The following CLNK variants were observed in gnomAD, a reference collection of about 807,000 sequenced individuals.
CLNK encodes the protein cytokine-dependent hematopoietic cell linker.
Under a neutral mutation model 68.6 loss-of-function variants are expected in CLNK, and 74 were observed. The ratio of observed to expected loss-of-function variants is 1.08; its 90% confidence interval spans 0.89 to 1.31. The LOEUF (loss-of-function observed/expected upper bound fraction) is 1.31, where lower values mean the gene tolerates loss of function less well. Among genes scored for constraint, CLNK ranks in the 50% most tolerant of loss-of-function variants. The probability of loss-of-function intolerance (pLI) is 0.00; values close to 1 mark genes in which losing one functional copy is unlikely to be tolerated. For synonymous variants in CLNK, 198 were observed against 172.2 expected, an observed-to-expected ratio of 1.15 and a Z score of -1.17; for missense variants, 553 against 515.3, an observed-to-expected ratio of 1.07 and a Z score of -0.71.
In CLNK at chr4:10,678,035, C is replaced by T. The variant is rs560845071; in HGVS notation, c.-43+6633G>A. On this transcript the variant is annotated intron_variant, in intron 1 of 18. Transcript: ENST00000226951. ...AGTGAACAAATGCACAGTGTGGATC[C>T]AGATGAGATCATCATTTCATCTGTA... Among the ~76,000 whole-genome samples, 364 of 151,986 alleles carry T rather than the reference C, an allele frequency of 2.4e-3. 1 individual carries two copies. Among genetic ancestry groups the T allele is most frequent in the Non-Finnish European group, 3.9e-3 (267 of 67,930 alleles).
intron 2 of CLNK, among the ~76,000 whole-genome samples, chr4:10,648,917 C>A (rs895067259): frequency 6.6e-6 from 1 of 152,140 alleles, no homozygotes; most frequent in Non-Finnish European, 1.5e-5. Flanking sequence ...CCAGGGAGAT[C>A]TGGTTTTTGC....
chr4:10,607,726 T>C (rs545576201), intron 2 of CLNK, among the ~76,000 whole-genome samples: 3 of 152,278 alleles, frequency 2.0e-5, no homozygotes, highest in East Asian at 3.9e-4. Flanking sequence ...ATTTATGGTG[T>C]TTTCAGCCAC....
chr4:10,714,541 T>C, the CLNK span, among the ~76,000 whole-genome samples: 1 of 152,198 alleles, frequency 6.6e-6, no homozygotes, highest in Non-Finnish European at 1.5e-5. Flanking sequence ...GCTAAATATT[T>C]TCTTTTAGAT....
At chr4:10,690,506 C>T in the CLNK span, among the ~76,000 whole-genome samples, 1 of 152,178 alleles carries the variant, frequency 6.6e-6, no homozygotes, top group African/African-American at 2.4e-5. Context: ...TCTCCCAATT[C>T]TTCTTTAAAA....
intron 11 of CLNK, among the ~76,000 whole-genome samples, chr4:10,537,730 T>TCTTTCTTTCTTC (rs1385874585): frequency 1.5e-5 from 2 of 132,926 alleles, no homozygotes; most frequent in African/African-American, 2.8e-5. Context: ...TTTCTTTCTT[T>TCTTTCTTTCTTC]CTTTCTTCCT....
the CLNK span, among the ~76,000 whole-genome samples, chr4:10,711,950 A>G: frequency 1.3e-5 from 2 of 152,154 alleles, no homozygotes; most frequent in African/African-American, 2.4e-5. Flanking sequence ...GAACCTGAAC[A>G]TGGAAATATT....
At chr4:10,660,593 C>T (rs1724158360) in intron 2 of CLNK, among the ~76,000 whole-genome samples, 1 of 152,104 alleles carries the variant, frequency 6.6e-6, no homozygotes. Flanking sequence ...TTTCAAAGAC[C>T]ATAATGATGA....
At chr4:10,524,237 A>G (rs1269278064) in intron 14 of CLNK, among the ~76,000 whole-genome samples, 2 of 152,096 alleles carry the variant, frequency 1.3e-5, no homozygotes, top group African/African-American at 4.8e-5. Context: ...AGAAATGAGA[A>G]TAAAATTACT....
chr4:10,511,025 T>G (rs1042765290), intron 16 of CLNK, among the ~76,000 whole-genome samples: 1 of 152,190 alleles, frequency 6.6e-6, no homozygotes, highest in Non-Finnish European at 1.5e-5. Context: ...GGTGGCAACA[T>G]GCCTGTAATC....
intron 17 of CLNK, among the ~76,000 whole-genome samples, chr4:10,503,279 T>A (rs1717130989): frequency 6.6e-6 from 1 of 151,864 alleles, no homozygotes; most frequent in South Asian, 2.1e-4. Flanking sequence ...CCGGCTGACA[T>A]GGGGAAACCT....
intron 11 of CLNK, among the ~76,000 whole-genome samples, chr4:10,533,072 AC>A (rs1455314034): frequency 2.0e-4 from 30 of 152,156 alleles, no homozygotes; most frequent in Non-Finnish European, 4.4e-5. Flanking sequence ...AGCCTGGCCA[AC>A]ATGGTGAAAC....
intron 2 of CLNK, among the ~76,000 whole-genome samples, chr4:10,646,245 C>G (rs1290409952): frequency 6.6e-6 from 1 of 152,150 alleles, no homozygotes; most frequent in East Asian, 1.9e-4. Context: ...TACCAATTAA[C>G]AAGTTTGAAA....
chr4:10,548,021 C>A (rs1577121453), intron 8 of CLNK, among the ~76,000 whole-genome samples: 1 of 152,086 alleles, frequency 6.6e-6, no homozygotes, highest in Non-Finnish European at 1.5e-5. Flanking sequence ...GATTCGTGAA[C>A]CATAAGGTAT....
intron 8 of CLNK, among the ~76,000 whole-genome samples, chr4:10,556,145 T>C (rs1005413837): frequency 6.6e-6 from 1 of 152,300 alleles, no homozygotes; most frequent in South Asian, 2.1e-4. Flanking sequence ...TCAGCCAACA[T>C]TCGCTACAAA....
chr4:10,495,788 C>T (rs778598154), intron 18 of CLNK, among the ~76,000 whole-genome samples: 2 of 150,410 alleles, frequency 1.3e-5, no homozygotes, highest in Non-Finnish European at 3.0e-5. Context: ...GTCACGTGAC[C>T]ATAGAGAGAG....
At position 10,602,065 on chromosome 4, in the gene CLNK, C is replaced by G. The variant is rs147819672; in HGVS notation, c.12-4016G>C. On this transcript the variant is annotated intron_variant, in intron 2 of 18. Transcript: ENST00000226951. ...ACTCCAGACTGTTTTCTTGAGCACC[C>G]TTCCAGCACCTTCAGGTCCAACACT... Among the ~76,000 whole-genome samples, 15 of 152,310 alleles carry G rather than the reference C, an allele frequency of 9.8e-5. No homozygotes were observed. The East Asian group carries it at 2.9e-3, about 29-fold the overall frequency.
chr4:10,619,399 T>C (rs1200202698), intron 2 of CLNK, among the ~76,000 whole-genome samples: 5 of 152,168 alleles, frequency 3.3e-5, no homozygotes, highest in Non-Finnish European at 7.3e-5. Flanking sequence ...GGGAGACAGA[T>C]GGCGCCTTTG....
chr4:10,700,229 A>C, the CLNK span, among the ~76,000 whole-genome samples: 10 of 152,220 alleles, frequency 6.6e-5, no homozygotes, highest in African/African-American at 2.2e-4. Context: ...TAAATGAAAT[A>C]GGCTACATAG....
At chr4:10,565,973 G>A (rs756679949) in intron 6 of CLNK, 36 bp downstream of exon 6, 12 of 1,603,684 alleles carry the variant, frequency 7.5e-6, no homozygotes, top group Non-Finnish European at 9.4e-6. Context: ...GCATGTACAT[G>A]CATCTTCTTA....
Sources: gnomAD v4.1 joint callset for allele counts (sites outside exome capture counted in the v4.1 genomes callset) on GRCh38, gnomAD v4.1.1 for gene constraint, MANE v1.5 for transcripts, NCBI Gene and HGNC (gene_info 2026-07-23, HGNC 2026-07-21) for gene names.